The following FBXL17 variants were observed in gnomAD, a reference collection of about 807,000 sequenced individuals.
FBXL17 encodes the protein F-box and leucine rich repeat protein 17.
A neutral mutation model predicts 66.2 loss-of-function variants in FBXL17; 22 were observed. That is an observed-to-expected ratio of 0.33 (90% CI 0.24 to 0.47). The LOEUF is 0.47. Ranked by LOEUF, FBXL17 falls within the 20% of genes least tolerant of loss-of-function variation. FBXL17 has a pLI of 1.00. For synonymous variants in FBXL17, 474 were observed against 400.5 expected, an observed-to-expected ratio of 1.18 and a Z score of -2.19; for missense variants, 878 against 948.2, an observed-to-expected ratio of 0.93 and a Z score of 0.97.
chr5:108,153,564 T>C (rs762340248), intron 6 of FBXL17, among the ~76,000 whole-genome samples: 2 of 152,200 alleles, frequency 1.3e-5, no homozygotes, highest in Non-Finnish European at 2.9e-5. Context: ...TAAAGTTTTA[T>C]TGTAGAGACC....
intron 6 of FBXL17, among the ~76,000 whole-genome samples, chr5:108,070,082 A>G (rs561423882): frequency 1.3e-5 from 2 of 152,358 alleles, no homozygotes; most frequent in South Asian, 4.1e-4. Flanking sequence ...ATTAAGTAGA[A>G]GTATTTCTTC....
intron 8 of FBXL17, among the ~76,000 whole-genome samples, chr5:107,866,709 A>T (rs1016224156): frequency 2.0e-5 from 3 of 152,252 alleles, no homozygotes; most frequent in Non-Finnish European, 2.9e-5. Flanking sequence ...GAAGCCATTT[A>T]CATTAAATGA....
intron 6 of FBXL17, among the ~76,000 whole-genome samples, chr5:108,156,060 AG>A (rs1203109502): frequency 6.6e-6 from 1 of 152,188 alleles, no homozygotes; most frequent in Non-Finnish European, 1.5e-5. Context: ...AGATTAGCTG[AG>A]GACAGTCTTA....
chr5:108,355,539 T>TC (rs1747932371), intron 3 of FBXL17, among the ~76,000 whole-genome samples: 1 of 152,054 alleles, frequency 6.6e-6, no homozygotes, highest in Non-Finnish European at 1.5e-5. Flanking sequence ...TGCCTCAGCC[T>TC]CCCAAAGTGC....
chr5:108,331,678 T>C (rs1044070220), intron 4 of FBXL17, among the ~76,000 whole-genome samples: 1 of 152,228 alleles, frequency 6.6e-6, no homozygotes, highest in African/African-American at 2.4e-5. Flanking sequence ...AAAAGTCATT[T>C]GGTAAGCAAA....
At chr5:108,335,283 G>C (rs1221475919) in intron 4 of FBXL17, among the ~76,000 whole-genome samples, 1 of 130,764 alleles carries the variant, frequency 7.6e-6, no homozygotes, top group Non-Finnish European at 1.5e-5. Flanking sequence ...GCAATAAGGA[G>C]ATTTGCCAAA....
At chr5:108,358,446 G>GT (rs367888134) in intron 3 of FBXL17, among the ~76,000 whole-genome samples, 18 of 151,222 alleles carry the variant, frequency 1.2e-4, no homozygotes, top group Middle Eastern at 6.8e-3. Flanking sequence ...AAGATGACTG[G>GT]TTTTTTTTTC....
At chr5:108,044,247 C>T (rs1050364698) in intron 6 of FBXL17, among the ~76,000 whole-genome samples, 2 of 117,644 alleles carry the variant, frequency 1.7e-5, no homozygotes, top group Admixed American at 1.8e-4. Flanking sequence ...GATATCCTTA[C>T]CTTGTTCCTG....
chr5:108,028,757 T>C (rs940581460), intron 6 of FBXL17, among the ~76,000 whole-genome samples: 1 of 152,096 alleles, frequency 6.6e-6, no homozygotes, highest in Non-Finnish European at 1.5e-5. Flanking sequence ...AATCTCTTTT[T>C]GGATAAGCCA....
intron 6 of FBXL17, among the ~76,000 whole-genome samples, chr5:108,184,851 G>C (rs957813598): frequency 1.3e-5 from 2 of 151,414 alleles, no homozygotes; most frequent in South Asian, 2.1e-4. Flanking sequence ...ATCTAAACAG[G>C]TTCTAATTTT....
At chr5:108,113,828 C>T (rs1244206362) in intron 6 of FBXL17, among the ~76,000 whole-genome samples, 2 of 152,140 alleles carry the variant, frequency 1.3e-5, no homozygotes, top group Non-Finnish European at 2.9e-5. Flanking sequence ...AATCCCTAAA[C>T]ACTACACTTG....
intron 5 of FBXL17, among the ~76,000 whole-genome samples, chr5:108,214,560 C>A (rs927260809): frequency 6.6e-6 from 1 of 151,866 alleles, no homozygotes; most frequent in African/African-American, 2.4e-5. Flanking sequence ...TTAGTAGAGA[C>A]AGCATTTCAC....
At chr5:107,951,501 G>C (rs1421689743) in intron 7 of FBXL17, among the ~76,000 whole-genome samples, 2 of 152,326 alleles carry the variant, frequency 1.3e-5, no homozygotes, top group East Asian at 3.9e-4. Context: ...AGTGGGCCTG[G>C]TGCTGCAATG....
At chr5:108,237,305 C>T (rs1034559941) in intron 4 of FBXL17, among the ~76,000 whole-genome samples, 3 of 152,146 alleles carry the variant, frequency 2.0e-5, no homozygotes, top group African/African-American at 7.2e-5. Flanking sequence ...TCTCTGCCTC[C>T]AAGAGCAGAG....
chr5:108,275,231 T>C (rs945742099), intron 4 of FBXL17, among the ~76,000 whole-genome samples: 6 of 152,244 alleles, frequency 3.9e-5, no homozygotes, highest in Non-Finnish European at 5.9e-5. Context: ...GAGAGTCTGG[T>C]TGACTAAGGC....
At chr5:108,360,012 T>G (rs1420244597) in intron 3 of FBXL17, among the ~76,000 whole-genome samples, 1 of 152,168 alleles carries the variant, frequency 6.6e-6, no homozygotes, top group East Asian at 1.9e-4. Context: ...TACATCTTCC[T>G]GAAAGATTAA....
In FBXL17 at chr5:107,968,966, C is replaced by G. The variant is rs373473495; in HGVS notation, c.1822+51959G>C. Among the ~76,000 whole-genome samples, 32 of 152,064 alleles carry G rather than the reference C, an allele frequency of 2.1e-4. No individual in the cohort carries two copies. In the East Asian group the frequency reaches 4.1e-3, roughly 19 times the overall value. ...AAAAAACCCAAGAAAGAAAGAACTCCCCAAAATTACCCAAGCATAACTTGG... is the reference window on the plus strand; with the variant it reads ...AAAAAACCCAAGAAAGAAAGAACTCGCCAAAATTACCCAAGCATAACTTGG... On this transcript the variant is annotated intron_variant, in intron 7 of 8. Coordinates refer to ENST00000542267, the MANE Select transcript of FBXL17 (RefSeq NM_001163315.3).
intron 6 of FBXL17, among the ~76,000 whole-genome samples, chr5:108,118,146 G>C (rs942939147): frequency 6.6e-6 from 1 of 152,092 alleles, no homozygotes. Context: ...TAACACTTGA[G>C]CCTGTTCTCT....
rs1182357164 is a variant in FBXL17 at position 108,381,411 on chromosome 5, G to A, written c.281C>T (p.Ala94Val). ...CCGCGCCAGGTGCTGAGAGGAGGAG[G>A]CGGCAGCGTAGGCCCCGTCCCGCGG... ...PPPRDGAYAA[A>V]SSSQHLARRY... Residue 94 changes from alanine to valine, a missense_variant, in exon 1 of 9, where the codon GCC (alanine) becomes GTC (valine). By Grantham distance (64) the Ala-to-Val change is moderately conservative. Around this residue, in one of 4 missense-constraint regions of FBXL17, gnomAD observed 605 missense variants for 509.5 expected, o/e 1.19. Transcript: ENST00000542267. 4.5e-6 allele frequency: 6 copies of A among 1,325,106 alleles called. No individual in the cohort carries two copies. Among genetic ancestry groups the A allele is most frequent in the Admixed American group, 4.1e-5 (1 of 24,346 alleles). 82.1% of individuals were successfully genotyped at this position (1,325,106 alleles called of 1,614,324 possible).
Sources: allele counts gnomAD v4.1 joint callset (sites outside exome capture counted in the v4.1 genomes callset), GRCh38; gene constraint gnomAD v4.1.1; regional missense constraint gnomAD v4.1.1; transcripts MANE v1.5; gene names NCBI Gene and HGNC (gene_info 2026-07-23, HGNC 2026-07-21).